DLG2: variants seen among roughly 807,000 people sequenced by gnomAD.
DLG2 encodes the protein disks large homolog 2.
Under a neutral mutation model 132.5 loss-of-function variants are expected in DLG2, and 45 were observed. That is an observed-to-expected ratio of 0.34 (90% confidence interval 0.27 to 0.44). DLG2 has a LOEUF of 0.44. DLG2 is among the 20% of genes least tolerant of loss of function. The pLI, the probability that DLG2 is intolerant of heterozygous loss-of-function variation, is 1.00. For missense variants in DLG2, 1,045 were observed against 1,196.9 expected, an observed-to-expected ratio of 0.87 and a Z score of 1.87; for synonymous variants, 424 against 419.6, an observed-to-expected ratio of 1.01 and a Z score of -0.13.
intron 18 of DLG2, among the ~76,000 whole-genome samples, chr11:83,706,999 T>A (rs1186310459): frequency 6.6e-6 from 1 of 152,230 alleles, no homozygotes; most frequent in Non-Finnish European, 1.5e-5. Context: ...ATACTTTCCA[T>A]ACATTTTATC....
chr11:83,884,813 C>T (rs914237361), intron 15 of DLG2, among the ~76,000 whole-genome samples: 10 of 152,296 alleles, frequency 6.6e-5, no homozygotes, highest in African/African-American at 2.4e-4. Context: ...CTGCAGCCAC[C>T]GCTGCTGGTA....
At chr11:84,821,898 A>G (rs1182553324) in intron 6 of DLG2, among the ~76,000 whole-genome samples, 3 of 151,842 alleles carry the variant, frequency 2.0e-5, no homozygotes, top group Non-Finnish European at 4.4e-5. Context: ...AATCATATCA[A>G]ACAAGAAACA....
chr11:83,663,078 G>T (rs571447848), intron 18 of DLG2, among the ~76,000 whole-genome samples: 2 of 152,132 alleles, frequency 1.3e-5, no homozygotes. Flanking sequence ...ATTGCTTTCT[G>T]CTTAAAATAA....
intron 6 of DLG2, among the ~76,000 whole-genome samples, chr11:84,976,330 G>C (rs2054900537): frequency 6.6e-6 from 1 of 152,084 alleles, no homozygotes; most frequent in Non-Finnish European, 1.5e-5. Context: ...TTAAACAGTT[G>C]CCAGGGGGTA....
chr11:85,494,802 C>T (rs1478350835), intron 3 of DLG2, among the ~76,000 whole-genome samples: 1 of 151,452 alleles, frequency 6.6e-6, no homozygotes, highest in Non-Finnish European at 1.5e-5. Flanking sequence ...TTCAAAGAAA[C>T]ATAGAAGATA....
intron 3 of DLG2, among the ~76,000 whole-genome samples, chr11:85,501,661 T>C (rs1327822034): frequency 6.6e-6 from 1 of 152,096 alleles, no homozygotes; most frequent in African/African-American, 2.4e-5. Context: ...AACAGACATA[T>C]GAAAAAATGC....
intron 18 of DLG2, among the ~76,000 whole-genome samples, chr11:83,697,955 C>T (rs1227595192): frequency 6.6e-6 from 1 of 152,140 alleles, no homozygotes; most frequent in Non-Finnish European, 1.5e-5. Flanking sequence ...TGTTATAGGC[C>T]AACTTGATAA....
intron 7 of DLG2, among the ~76,000 whole-genome samples, chr11:84,468,328 G>A (rs920851940): frequency 6.6e-6 from 1 of 151,364 alleles, no homozygotes; most frequent in South Asian, 2.1e-4. Context: ...GATCTTGTTG[G>A]CTAGTTCTGA....
intron 4 of DLG2, among the ~76,000 whole-genome samples, chr11:85,202,154 A>T (rs1031121868): frequency 3.3e-5 from 5 of 151,742 alleles, no homozygotes; most frequent in African/African-American, 9.7e-5. Flanking sequence ...TTAAAAAAAA[A>T]AACCCAAAAC....
chr11:85,483,524 A>G (rs557540241), intron 3 of DLG2, among the ~76,000 whole-genome samples: 1 of 152,344 alleles, frequency 6.6e-6, no homozygotes, highest in South Asian at 2.1e-4. Flanking sequence ...TAAGTAACGC[A>G]AAAACAACTA....
chr11:84,929,048 G>C (rs2047793663), intron 6 of DLG2, among the ~76,000 whole-genome samples: 1 of 133,048 alleles, frequency 7.5e-6, no homozygotes, highest in African/African-American at 2.8e-5. Flanking sequence ...CTAGGGGTAG[G>C]GGTATTCTTG....
chr11:83,653,987 T>A (rs1289970821), intron 18 of DLG2, among the ~76,000 whole-genome samples: 1 of 152,218 alleles, frequency 6.6e-6, no homozygotes, highest in Non-Finnish European at 1.5e-5. Flanking sequence ...CCCAAAGTGC[T>A]GGGATCACAG....
chr11:85,121,272 TAGG>T (rs1192823708), intron 5 of DLG2, among the ~76,000 whole-genome samples: 1 of 151,894 alleles, frequency 6.6e-6, no homozygotes, highest in African/African-American at 2.4e-5. Context: ...CCTGATAATT[TAGG>T]AGAATAACAT....
chr11:84,866,735 A>G (rs918345252), intron 6 of DLG2, among the ~76,000 whole-genome samples: 1 of 152,240 alleles, frequency 6.6e-6, no homozygotes, highest in African/African-American at 2.4e-5. Context: ...GTCTCATTTA[A>G]TCTTTATTAT....
At chr11:85,212,442 T>G (rs1267634201) in intron 4 of DLG2, among the ~76,000 whole-genome samples, 1 of 152,130 alleles carries the variant, frequency 6.6e-6, no homozygotes, top group East Asian at 1.9e-4. Context: ...CTGAGTTCCA[T>G]TTCTGTCTTT....
intron 7 of DLG2, among the ~76,000 whole-genome samples, chr11:84,301,920 T>G (rs1465314629): frequency 6.6e-6 from 1 of 152,154 alleles, no homozygotes; most frequent in African/African-American, 2.4e-5. Context: ...GCAACACTAT[T>G]CACAGTAGCA....
At chr11:84,161,814 C>T (rs2095553393) in intron 9 of DLG2, among the ~76,000 whole-genome samples, 1 of 152,140 alleles carries the variant, frequency 6.6e-6, no homozygotes, top group African/African-American at 2.4e-5. Context: ...TATAGCTTGT[C>T]TTGGAGAGAA....
At chr11:83,837,723 C>CAAAAAAAAAAAAAAAAA (rs386374350) in intron 16 of DLG2, among the ~76,000 whole-genome samples, 776 of 45,404 alleles carry the variant, frequency 0.017, 4 homozygotes, top group Middle Eastern at 0.067. Context: ...ACATAGCAAG[C>CAAAAAAAAAAAAAAAAA]AAAAAAAAAA....
chr11:84,225,248 T>C (rs2096973983), intron 8 of DLG2, among the ~76,000 whole-genome samples: 1 of 152,238 alleles, frequency 6.6e-6, no homozygotes, highest in African/African-American at 2.4e-5. Flanking sequence ...GAATAGCATT[T>C]GAGAGCTTCT....
Sources: allele counts gnomAD v4.1 joint callset (sites outside exome capture counted in the v4.1 genomes callset), GRCh38; gene constraint gnomAD v4.1.1; transcripts MANE v1.5; gene names NCBI Gene and HGNC (gene_info 2026-07-23, HGNC 2026-07-21).